Variants in MEGF8 observed in about 807,000 individuals in gnomAD.
The protein encoded by MEGF8 is multiple epidermal growth factor-like domains protein 8.
In MEGF8, 156 loss-of-function variants were observed where a neutral mutation model predicts 302.9. That is an observed-to-expected ratio of 0.52 (90% confidence interval 0.45 to 0.59). The LOEUF is 0.59. MEGF8 is among the 20% of genes least tolerant of loss of function. MEGF8 has a pLI of 0.00. For synonymous variants in MEGF8, 1,621 were observed against 1,660.5 expected, an observed-to-expected ratio of 0.98 and a Z score of 0.58; for missense variants, 3,345 against 3,964.5, an observed-to-expected ratio of 0.84 and a Z score of 4.20.
At position 42,370,785 on chromosome 19, in the gene MEGF8, G is replaced by T; in HGVS notation, c.7090G>T (p.Glu2364Ter). The stretch of plus-strand genomic sequence containing the variant: ...GAATAACAGCTATGGGGAGAAATGC[G>T]AGAGCTGCCTGCAGGGCTACTTCCT... ...CQNNSYGEKC[E>*]SCLQGYFLLD... Residue 2364 changes from glutamate (E) to a stop codon, truncating the protein, a stop_gained, in exon 40 of 42, where the codon GAG (glutamate) becomes TAG (stop). Transcript: ENST00000251268. LOFTEE classifies it high-confidence loss of function. 4 of 1,516,808 alleles carry T rather than the reference G, an allele frequency of 2.6e-6. No homozygotes were observed. The highest frequency in any genetic ancestry group is 3.6e-6 in the Non-Finnish European group (4 of 1,116,466). 94.0% of individuals were successfully genotyped at this position (1,516,808 alleles called of 1,614,324 possible).
Position 42,369,151 on chromosome 19 carries a change from G to T in MEGF8, c.6641+149G>T. The T allele has an allele frequency of 8.9e-7, 1 of 1,124,682 alleles. No homozygotes were observed. Among genetic ancestry groups the T allele is most frequent in the Non-Finnish European group, 1.2e-6 (1 of 810,538 alleles). 69.7% of individuals were successfully genotyped at this position (1,124,682 alleles called of 1,614,324 possible). On this transcript the variant is annotated intron_variant, in intron 37 of 41. Coordinates refer to ENST00000251268, the MANE Select transcript of MEGF8 (RefSeq NM_001271938.2). This position sits in a 1 kb window ranked among gnomAD's most constrained non-coding sequence, Gnocchi z 5.7. ...TGGGATTGATTCCTGAAGGTCAAGA[G>T]TGGTGAGGCTGAGCAGGGAAGAGTG...
intron 13 of MEGF8, 139 bp from the exon 14 acceptor site, chr19:42,349,360 G>C (rs2039335962): frequency 1.5e-6 from 1 of 679,718 alleles, no homozygotes; most frequent in Admixed American, 3.0e-5. Context: ...TCACCTCTGA[G>C]GTTCTCAGGA....
In MEGF8 at chr19:42,357,408, C is replaced by T. The variant is rs138397020; in HGVS notation, c.4835C>T (p.Pro1612Leu). The T allele has an allele frequency of 6.2e-7, 1 of 1,612,964 alleles. No individual in the cohort carries two copies. Among genetic ancestry groups the T allele is most frequent in the African/African-American group, 1.3e-5 (1 of 74,900 alleles). The change falls in exon 28 of 42, where the codon CCC becomes CTC. Residue 1612 changes from proline to leucine, a missense_variant. Pro to Leu is a moderately conservative substitution (Grantham distance 98, BLOSUM62 -3). Transcript: ENST00000251268. The surrounding 1 kb of genome is among the most constrained non-coding windows in gnomAD (Gnocchi z 5.2). ...TTLQWRQEKA[P>L]QTVELPAVAG... ...CCTTGCCCCTCCATCCCTCAGGCCC[C>T]CCAGACCGTGGAGCTGCCAGCCGTT...
In MEGF8 at chr19:42,368,536, C is replaced by G; in HGVS notation, c.6355C>G (p.Leu2119Val). ...GCTCCGGGGACCTGAGAGCTGCTCC[C>G]TGGGCTGTGCTCAGGCAACTCAGTG... ...RLLRGPESCS[L>V]GCAQATQCAL... The change falls in exon 36 of 42, where the codon CTG becomes GTG. Residue 2119 changes from leucine (L) to valine (V), a missense_variant. Coordinates refer to ENST00000251268, the MANE Select transcript of MEGF8 (RefSeq NM_001271938.2). The surrounding 1 kb of genome is among the most constrained non-coding windows in gnomAD (Gnocchi z 4.9). 1 of 1,604,760 alleles carries G rather than the reference C, an allele frequency of 6.2e-7. No homozygotes were observed. The highest frequency in any genetic ancestry group is 8.5e-7 in the Non-Finnish European group (1 of 1,176,470).
rs1600083343 is a variant in MEGF8 at position 42,376,357 on chromosome 19, A to C, written c.8120A>C (p.Asp2707Ala). 1 of 1,612,854 alleles carries C rather than the reference A, an allele frequency of 6.2e-7. No individual in the cohort carries two copies. The highest frequency in any genetic ancestry group is 8.5e-7 in the Non-Finnish European group (1 of 1,179,612). Residue 2707 changes from aspartate to alanine, a missense_variant, in exon 42 of 42, where the codon GAC becomes GCC. Coordinates refer to ENST00000251268, the MANE Select transcript of MEGF8 (RefSeq NM_001271938.2). This position sits in a 1 kb window ranked among gnomAD's most constrained non-coding sequence, Gnocchi z 8.2. ...AAGGTCACCGTCTGCTTCCCACCTG[A>C]CCCTACTGCCCCGGCCTCCGCCTGG... ...FAKVTVCFPPDPTAPASAWKP... is the reference protein window; with the variant it reads ...FAKVTVCFPPAPTAPASAWKP...
At position 42,336,081 on chromosome 19, in the gene MEGF8, A is replaced by G. The variant is rs764933318; in HGVS notation, c.979A>G (p.Ser327Gly). The change falls in exon 6 of 42, where the codon AGC becomes GGC. Residue 327 changes from serine to glycine, a missense_variant. Coordinates refer to ENST00000251268, the MANE Select transcript of MEGF8 (RefSeq NM_001271938.2). This position sits in a 1 kb window ranked among gnomAD's most constrained non-coding sequence, Gnocchi z 4.8. ...GGAGCTCCTGGCACCACCTGCCTCC[A>G]GCTCCTCGGGGCCCCCAGGCCTGGC... ...HWELLAPPAS[S>G]SSGPPGLAGH... 9 of 1,599,476 alleles carry G rather than the reference A, an allele frequency of 5.6e-6. No homozygotes were observed. Among genetic ancestry groups the G allele is most frequent in the Non-Finnish European group, 7.7e-6 (9 of 1,176,092 alleles).
Position 42,362,421 on chromosome 19 carries a change from CCGAAGGTGCTTG to C in MEGF8, c.5884_5895del (p.Glu1962_Cys1965del). The stretch of plus-strand genomic sequence containing the variant: ...CGCTGTAAGTGGTGTACCAACTGCC[CCGAAGGTGCTTG>C]CATTGGACGCAATGGGTCCTGCACC... On this transcript the variant is annotated inframe_deletion, in exon 34 of 42. Transcript: ENST00000251268. 6.2e-7 allele frequency: 1 copy of C among 1,614,004 alleles called. No homozygotes were observed.
rs540767989 is a variant in MEGF8, at chr19:42,359,211, C to T, written c.5457C>T (p.Asn1819=). The change falls in exon 31 of 42, where the codon AAC becomes AAT. Residue 1819 remains asparagine (N), a synonymous_variant. Coordinates refer to ENST00000251268, the MANE Select transcript of MEGF8 (RefSeq NM_001271938.2). ...GCGACGTTCTGCTCTACCAGGTCAA[C>T]TGCAATGCCTGGCTTCTGCCCGACC... is the stretch of plus-strand genomic sequence containing the variant. ...FSSDVLLYQV[N]CNAWLLPDLT... The T allele has an allele frequency of 1.9e-6, 3 of 1,592,516 alleles. No individual in the cohort carries two copies. Among genetic ancestry groups the T allele is most frequent in the Non-Finnish European group, 2.6e-6 (3 of 1,169,340 alleles).
At chr19:42,343,872 G>A in intron 9 of MEGF8, 82 bp from the exon 10 acceptor site, 1 of 1,529,956 alleles carries the variant, frequency 6.5e-7, no homozygotes, top group Admixed American at 2.0e-5. Context: ...AAGCAAGCGG[G>A]GACTTGGGAG....
Position 42,354,527 on chromosome 19 carries a change from A to G in MEGF8, c.4012-61A>G. 6.4e-7 allele frequency: 1 copy of G among 1,556,202 alleles called. No homozygotes were observed. Among genetic ancestry groups the G allele is most frequent in the Non-Finnish European group, 8.7e-7 (1 of 1,146,010 alleles). On this transcript the variant is annotated intron_variant, in intron 22 of 41. Coordinates refer to ENST00000251268, the MANE Select transcript of MEGF8 (RefSeq NM_001271938.2). This position sits in a 1 kb window ranked among gnomAD's most constrained non-coding sequence, Gnocchi z 4.3. The stretch of plus-strand genomic sequence containing the variant: ...CCCCTCTTGAACCCCTCCTCCTCCC[A>G]GACCCCAGGTGTCGTTCTCATCCTC...
Position 42,361,128 on chromosome 19 carries a change from A to G in MEGF8, c.5720+122A>G, listed in dbSNP as rs1420884490. The G allele has an allele frequency of 5.6e-6, 6 of 1,079,594 alleles. No individual in the cohort carries two copies. In the East Asian group the frequency reaches 1.1e-4, roughly 20 times the overall value. The allele number at this position is 1,079,594 out of a possible 1,614,324, so 66.9% of individuals were successfully genotyped here. On this transcript the variant is annotated intron_variant, in intron 32 of 41. Transcript: ENST00000251268. Reference sequence around the variant, plus strand: ...GTCTGGTTCAGGAAAGGGGTGAATCACCGCAGGCAGGGTGGCCGGGGGAGC... The same window carrying G: ...GTCTGGTTCAGGAAAGGGGTGAATCGCCGCAGGCAGGGTGGCCGGGGGAGC...
At chr19:42,363,960 C>T (rs971471738) in intron 35 of MEGF8, among the ~76,000 whole-genome samples, 5 of 152,234 alleles carry the variant, frequency 3.3e-5, no homozygotes, top group Non-Finnish European at 7.3e-5. Context: ...ACGTTCATCT[C>T]TGTGTTTGTC....
Position 42,376,426 on chromosome 19 carries a change from C to G in MEGF8, c.8189C>G (p.Pro2730Arg), listed in dbSNP as rs775363240. 1 of 1,612,382 alleles carries G rather than the reference C, an allele frequency of 6.2e-7. No homozygotes were observed. Among genetic ancestry groups the G allele is most frequent in the Non-Finnish European group, 8.5e-7 (1 of 1,179,560 alleles). ...LPPPAFRRSE[P>R]FLAPLLLTGA... Reference sequence around the variant, plus strand: ...CCTCCCGCCTTCCGCCGCTCTGAGCCCTTCCTGGCACCCCTGCTGCTGACA... The same window carrying G: ...CCTCCCGCCTTCCGCCGCTCTGAGCGCTTCCTGGCACCCCTGCTGCTGACA... Residue 2730 changes from proline to arginine, a missense_variant, in exon 42 of 42, where the codon CCC becomes CGC. Transcript: ENST00000251268. This position sits in a 1 kb window ranked among gnomAD's most constrained non-coding sequence, Gnocchi z 8.2.
Position 42,326,289 on chromosome 19 carries a change from G to T in MEGF8, c.46G>T (p.Ala16Ser). ...GGCCATGGCACTGGTTTTGGCCTTG[G>T]CCGTGCTGGGGTCGCTGTCCCCTGG... ...VLAMALVLAL[A>S]VLGSLSPGAR... The change falls in exon 1 of 42, where the codon GCC (alanine) becomes TCC (serine). Residue 16 changes from alanine to serine, a missense_variant. Physicochemically the swap from Ala to Ser is moderately conservative, Grantham distance 99 (BLOSUM62 1). Coordinates refer to ENST00000251268, the MANE Select transcript of MEGF8 (RefSeq NM_001271938.2). The T allele has an allele frequency of 6.4e-7, 1 of 1,561,592 alleles. No individual in the cohort carries two copies. The highest frequency in any genetic ancestry group is 8.6e-7 in the Non-Finnish European group (1 of 1,160,780).
rs757551016 is a variant in MEGF8, at chr19:42,350,297, T to C, written c.2649T>C (p.Asp883=). 2.7e-5 allele frequency: 44 copies of C among 1,609,470 alleles called. No individual in the cohort carries two copies. The highest frequency in any genetic ancestry group is 1.5e-4 in the Admixed American group (9 of 59,996). The change falls in exon 15 of 42, where the codon GAT becomes GAC. Residue 883 remains aspartate, a synonymous_variant. Transcript: ENST00000251268. The part of the protein sequence containing the change: ...HLRQGGAHCG[D]DGAGGSLLVL... ...GCCAGGGCGGAGCCCATTGCGGGGATGACGGGGCTGGTGGGTCCCTGCTGG... is the reference window on the plus strand; with the variant it reads ...GCCAGGGCGGAGCCCATTGCGGGGACGACGGGGCTGGTGGGTCCCTGCTGG...
intron 8 of MEGF8, among the ~76,000 whole-genome samples, chr19:42,340,058 C>CA (rs1036620955): frequency 1.3e-5 from 2 of 151,612 alleles, no homozygotes; most frequent in African/African-American, 4.8e-5. Context: ...ATTCCGTCCC[C>CA]AAAAAAACAA....
Position 42,344,144 on chromosome 19 carries a change from C to A in MEGF8, c.1788+71C>A. The A allele has an allele frequency of 6.5e-7, 1 of 1,544,752 alleles. No homozygotes were observed. The highest frequency in any genetic ancestry group is 1.2e-5 in the South Asian group (1 of 84,236). On this transcript the variant is annotated intron_variant, in intron 10 of 41. Coordinates refer to ENST00000251268, the MANE Select transcript of MEGF8 (RefSeq NM_001271938.2). The surrounding 1 kb of genome is among the most constrained non-coding windows in gnomAD (Gnocchi z 4.5). The stretch of plus-strand genomic sequence containing the variant: ...CCCTCAGTGTCTCCCTCTGCCTAAC[C>A]AGATGGACAAGAACTTTCCCTCAAC...
intron 41 of MEGF8, among the ~76,000 whole-genome samples, chr19:42,373,706 G>GTTTTT (rs750576656): frequency 3.0e-4 from 30 of 100,970 alleles, no homozygotes; most frequent in Non-Finnish European, 4.0e-4. Context: ...GGGCTTTTGG[G>GTTTTT]TTTTTTTTTT....
In MEGF8 at chr19:42,336,114, G is replaced by A. The variant is rs1437893178; in HGVS notation, c.1012G>A (p.Ala338Thr). ...GGGGCCCCCAGGCCTGGCAGGTCAC[G>A]CGGCTGCCCTGGTGGATGATGTCTG... ...SSGPPGLAGH[A>T]AALVDDVWLY... Residue 338 changes from alanine to threonine, a missense_variant, in exon 6 of 42, where the codon GCG becomes ACG. Coordinates refer to ENST00000251268, the MANE Select transcript of MEGF8 (RefSeq NM_001271938.2). This position sits in a 1 kb window ranked among gnomAD's most constrained non-coding sequence, Gnocchi z 4.8. 5.6e-6 allele frequency: 9 copies of A among 1,606,766 alleles called. No homozygotes were observed. The highest frequency in any genetic ancestry group is 2.2e-5 in the East Asian group (1 of 44,810).
Sources: gnomAD v4.1 joint callset for allele counts (sites outside exome capture counted in the v4.1 genomes callset) on GRCh38, gnomAD v4.1.1 for gene constraint, Gnocchi (gnomAD v3.1) non-coding constraint, MANE v1.5 for transcripts, NCBI Gene and HGNC (gene_info 2026-07-23, HGNC 2026-07-21) for gene names.